NTRK3: variants seen among roughly 807,000 people sequenced by gnomAD.
NTRK3 encodes the protein NT-3 growth factor receptor.
In NTRK3, 24 loss-of-function variants were observed where a neutral mutation model predicts 91.7. That is an observed-to-expected ratio of 0.26 (90% CI 0.19 to 0.37). The LOEUF is 0.37. NTRK3 is among the 10% of genes least tolerant of loss of function. The probability of loss-of-function intolerance (pLI) is 1.00; values close to 1 mark genes in which losing one functional copy is unlikely to be tolerated. For synonymous variants in NTRK3, 483 were observed against 404.0 expected (o/e 1.20, Z -2.34); for missense variants, 880 against 1,068.9 (o/e 0.82, Z 2.46).
At chr15:88,185,396 A>T (rs1268193106) in intron 3 of NTRK3, among the ~76,000 whole-genome samples, 1 of 152,160 alleles carries the variant, frequency 6.6e-6, no homozygotes, top group East Asian at 1.9e-4. Context: ...TTGTTTTTGT[A>T]TTGACCAAAT....
chr15:88,168,040 AG>A (rs921867758), intron 5 of NTRK3, among the ~76,000 whole-genome samples: 7 of 152,220 alleles, frequency 4.6e-5, no homozygotes, highest in Admixed American at 4.6e-4. Context: ...GACTTGACCA[AG>A]ATCTCGCAGC....
intron 14 of NTRK3, among the ~76,000 whole-genome samples, chr15:87,991,741 A>T (rs2075302066): frequency 6.6e-6 from 1 of 152,044 alleles, no homozygotes; most frequent in African/African-American, 2.4e-5. Flanking sequence ...GATTTCAATG[A>T]TTTGTTTTGG....
At chr15:88,184,759 A>G (rs2046817847) in intron 3 of NTRK3, among the ~76,000 whole-genome samples, 1 of 152,176 alleles carries the variant, frequency 6.6e-6, no homozygotes. Context: ...CCGGCTGGCC[A>G]GTGGGCATAG....
chr15:88,213,332 G>T (rs1342110573), intron 3 of NTRK3, among the ~76,000 whole-genome samples: 1 of 152,168 alleles, frequency 6.6e-6, no homozygotes, highest in African/African-American at 2.4e-5. Context: ...ACTTTTAAAG[G>T]TGTCTGGGTT....
At chr15:87,860,483 T>C in exon 19 of NTRK3, 1 of 209,078 alleles carries the variant, frequency 4.8e-6, no homozygotes, top group Non-Finnish European at 9.7e-6. Flanking sequence ...TTAGAATTTT[T>C]TTTTTTTTTT....
At chr15:87,926,046 A>G (rs2068280456) in intron 17 of NTRK3, among the ~76,000 whole-genome samples, 1 of 152,246 alleles carries the variant, frequency 6.6e-6, no homozygotes, top group Non-Finnish European at 1.5e-5. Flanking sequence ...CTTTAACAAT[A>G]GAAAAATTGA....
At chr15:88,069,632 G>T (rs1597119981) in intron 13 of NTRK3, among the ~76,000 whole-genome samples, 1 of 152,152 alleles carries the variant, frequency 6.6e-6, no homozygotes, top group East Asian at 1.9e-4. Context: ...GAGATGCCCA[G>T]GCCTGTGTTA....
At chr15:87,985,643 A>T (rs2074700030) in intron 14 of NTRK3, among the ~76,000 whole-genome samples, 1 of 152,156 alleles carries the variant, frequency 6.6e-6, no homozygotes, top group South Asian at 2.1e-4. Flanking sequence ...AGCTGTGTGC[A>T]GATGCTCAGA....
chr15:88,128,299 C>A (rs186357419), intron 11 of NTRK3, among the ~76,000 whole-genome samples: 243 of 152,280 alleles, frequency 1.6e-3, no homozygotes, highest in Non-Finnish European at 3.0e-3. Flanking sequence ...CGAGTCCTGG[C>A]CAAGTGCTCA....
At chr15:88,032,285 C>A (rs980929750) in intron 14 of NTRK3, among the ~76,000 whole-genome samples, 2 of 152,082 alleles carry the variant, frequency 1.3e-5, no homozygotes, top group Admixed American at 6.5e-5. Flanking sequence ...GAGAGGGAAA[C>A]AGGTGCCCTG....
At chr15:88,254,088 C>T (rs2053736918) in intron 3 of NTRK3, among the ~76,000 whole-genome samples, 1 of 152,166 alleles carries the variant, frequency 6.6e-6, no homozygotes, top group African/African-American at 2.4e-5. Context: ...GGCTGGGTAC[C>T]AGGGGCCCCT....
chr15:87,884,095 C>G (rs2065400112), intron 17 of NTRK3, among the ~76,000 whole-genome samples: 1 of 149,594 alleles, frequency 6.7e-6, no homozygotes, highest in Non-Finnish European at 1.5e-5. Context: ...ACAAACAAAG[C>G]AAAACAGCCA....
At position 88,248,538 on chromosome 15, in the gene NTRK3, GCA is replaced by G. The variant is rs1237878772; in HGVS notation, c.248+7366_248+7367del. ...TATTTGTGTGTGTGTGTGTGTGTGTGCATGTGTGCATATATATGTGTATGCTA... is the reference window on the plus strand; with the variant it reads ...TATTTGTGTGTGTGTGTGTGTGTGTGTGTGTGCATATATATGTGTATGCTA... On this transcript the variant is annotated intron_variant, in intron 3 of 18. Coordinates refer to ENST00000394480, the Ensembl canonical transcript of NTRK3. Among the ~76,000 whole-genome samples, 15 of 143,384 alleles carry G rather than the reference GCA, an allele frequency of 1.0e-4. No individual in the cohort carries two copies. In the South Asian group the frequency reaches 1.4e-3, roughly 13 times the overall value. 94.1% of individuals were successfully genotyped at this position (143,384 alleles called of 152,430 possible). A position where few individuals can be genotyped will look rare whatever the true frequency, so the allele number is the denominator to read the frequency against.
intron 13 of NTRK3, among the ~76,000 whole-genome samples, chr15:88,081,539 T>A (rs1460267069): frequency 6.6e-6 from 1 of 152,234 alleles, no homozygotes; most frequent in Non-Finnish European, 1.5e-5. Flanking sequence ...CTTTCTGGAA[T>A]CCTAGTGGGC....
intron 13 of NTRK3, among the ~76,000 whole-genome samples, chr15:88,058,966 T>C (rs571550370): frequency 2.6e-5 from 4 of 152,054 alleles, no homozygotes; most frequent in Non-Finnish European, 2.9e-5. Context: ...ATGTTCACCA[T>C]CAGCAGCAAG....
At chr15:87,981,481 C>A (rs2141372771) in intron 14 of NTRK3, 2 of 1,333,542 alleles carry the variant, frequency 1.5e-6, no homozygotes, top group South Asian at 1.2e-5. Context: ...GGTTTCTCAG[C>A]TCCTGTACCC....
At chr15:87,901,765 G>T (rs931703639) in intron 17 of NTRK3, among the ~76,000 whole-genome samples, 7 of 129,702 alleles carry the variant, frequency 5.4e-5, no homozygotes, top group Non-Finnish European at 9.5e-5. Flanking sequence ...AAGTTGGGGA[G>T]GGGGGGAGAG....
chr15:88,157,644 G>C (rs886541948), intron 5 of NTRK3, among the ~76,000 whole-genome samples: 1 of 152,152 alleles, frequency 6.6e-6, no homozygotes, highest in African/African-American at 2.4e-5. Context: ...CGCAGAACAT[G>C]GGGGAACAGT....
At chr15:88,035,190 C>A (rs533499578) in intron 13 of NTRK3, among the ~76,000 whole-genome samples, 1 of 152,158 alleles carries the variant, frequency 6.6e-6, no homozygotes, top group Non-Finnish European at 1.5e-5. Flanking sequence ...GGAATATTTG[C>A]AGGCAGCCAG....
Sources: gnomAD v4.1 joint callset for allele counts (sites outside exome capture counted in the v4.1 genomes callset) on GRCh38, gnomAD v4.1.1 for gene constraint, MANE v1.5 for transcripts, NCBI Gene and HGNC (gene_info 2026-07-23, HGNC 2026-07-21) for gene names.